The following MYRIP variants were observed in gnomAD, a reference collection of about 807,000 sequenced individuals.
MYRIP encodes the protein myosin VIIA and Rab interacting protein, also known as rab effector MyRIP.
A neutral mutation model predicts 98.0 loss-of-function variants in MYRIP; 49 were observed. That is an observed-to-expected ratio of 0.50 (90% CI 0.40 to 0.63). The LOEUF (loss-of-function observed/expected upper bound fraction) is 0.63. Ranked by LOEUF, MYRIP falls within the 30% of genes least tolerant of loss-of-function variation. MYRIP has a pLI of 0.00. For synonymous variants in MYRIP, 404 were observed against 409.5 expected (o/e 0.99, Z 0.16); for missense variants, 1,004 against 1,058.2 (o/e 0.95, Z 0.71).
intron 2 of MYRIP, among the ~76,000 whole-genome samples, chr3:39,968,235 A>G (rs371730493): frequency 3.6e-4 from 44 of 122,840 alleles, no homozygotes; most frequent in Non-Finnish European, 7.6e-4. Flanking sequence ...TTTTTTTTTG[A>G]GATATAGTGG....
At chr3:40,000,088 A>G (rs1559555480) in intron 2 of MYRIP, among the ~76,000 whole-genome samples, 1 of 151,768 alleles carries the variant, frequency 6.6e-6, no homozygotes, top group Admixed American at 6.6e-5. Flanking sequence ...ATGACGAGTT[A>G]ATGGGTGCAG....
intron 12 of MYRIP, among the ~76,000 whole-genome samples, chr3:40,244,179 T>C (rs1953111440): frequency 6.6e-6 from 1 of 152,222 alleles, no homozygotes; most frequent in South Asian, 2.1e-4. Flanking sequence ...GTCATGTATT[T>C]TGTACTATTT....
At chr3:40,135,172 G>A (rs920737637) in intron 3 of MYRIP, among the ~76,000 whole-genome samples, 1 of 152,154 alleles carries the variant, frequency 6.6e-6, no homozygotes, top group Non-Finnish European at 1.5e-5. Flanking sequence ...AATAACCAAT[G>A]CAGAGAAGTC....
intron 1 of MYRIP, among the ~76,000 whole-genome samples, chr3:39,837,026 G>T (rs188359956): frequency 6.6e-6 from 1 of 152,274 alleles, no homozygotes; most frequent in South Asian, 2.1e-4. Flanking sequence ...AGACCCAGTC[G>T]CTTTCAGCCT....
At chr3:39,831,508 C>G (rs949437817) in intron 1 of MYRIP, among the ~76,000 whole-genome samples, 1 of 152,060 alleles carries the variant, frequency 6.6e-6, no homozygotes, top group Non-Finnish European at 1.5e-5. Context: ...TGGCTTAAAA[C>G]TTTTTCTTAA....
chr3:40,180,874 A>G (rs1950867636), intron 8 of MYRIP, among the ~76,000 whole-genome samples: 1 of 152,128 alleles, frequency 6.6e-6, no homozygotes, highest in Non-Finnish European at 1.5e-5. Context: ...AGTGAACCAG[A>G]CGCCCTGTAT....
At chr3:40,133,719 A>C (rs2125920453) in intron 3 of MYRIP, among the ~76,000 whole-genome samples, 1 of 152,360 alleles carries the variant, frequency 6.6e-6, no homozygotes, top group African/African-American at 2.4e-5. Flanking sequence ...CCTGGGCAAC[A>C]GACTCTGTCT....
intron 4 of MYRIP, among the ~76,000 whole-genome samples, chr3:40,161,910 C>T (rs1180374543): frequency 6.6e-6 from 1 of 152,208 alleles, no homozygotes; most frequent in Non-Finnish European, 1.5e-5. Flanking sequence ...GATCCAAACA[C>T]TGATGTGGTC....
intron 2 of MYRIP, among the ~76,000 whole-genome samples, chr3:39,955,769 T>A (rs1945140542): frequency 6.6e-6 from 1 of 152,150 alleles, no homozygotes; most frequent in Non-Finnish European, 1.5e-5. Context: ...CAGTGTGCTA[T>A]ATTCAGGAAA....
intron 3 of MYRIP, among the ~76,000 whole-genome samples, chr3:40,118,100 C>G (rs1336882455): frequency 6.6e-6 from 1 of 152,144 alleles, no homozygotes; most frequent in Admixed American, 6.6e-5. Context: ...ACAAATGGCT[C>G]TTAAACAAAT....
At chr3:39,900,225 A>G (rs560092947) in intron 1 of MYRIP, among the ~76,000 whole-genome samples, 2 of 152,302 alleles carry the variant, frequency 1.3e-5, no homozygotes, top group South Asian at 4.1e-4. Context: ...AAATGGCAAA[A>G]TAAGATTATT....
chr3:39,873,546 T>C (rs1249563216), intron 1 of MYRIP, among the ~76,000 whole-genome samples: 1 of 152,246 alleles, frequency 6.6e-6, no homozygotes, highest in African/African-American at 2.4e-5. Flanking sequence ...CAGTTTCAGC[T>C]TTCTACATAT....
At chr3:39,812,248 G>A (rs963202602) in intron 1 of MYRIP, among the ~76,000 whole-genome samples, 1 of 152,008 alleles carries the variant, frequency 6.6e-6, no homozygotes, top group African/African-American at 2.4e-5. Context: ...GTTTTATCAG[G>A]TTAGTTTTAT....
intron 3 of MYRIP, among the ~76,000 whole-genome samples, chr3:40,100,906 T>A (rs1948932838): frequency 6.6e-6 from 1 of 152,216 alleles, no homozygotes. Context: ...GATCTTTTTC[T>A]TATTTATTTA....
intron 1 of MYRIP, among the ~76,000 whole-genome samples, chr3:39,840,043 A>T (rs1482338145): frequency 6.6e-6 from 1 of 152,144 alleles, no homozygotes; most frequent in Non-Finnish European, 1.5e-5. Context: ...TTTCTGTCTC[A>T]TTGATCTGTC....
intron 3 of MYRIP, among the ~76,000 whole-genome samples, chr3:40,053,123 C>T (rs747794150): frequency 6.6e-6 from 1 of 152,098 alleles, no homozygotes; most frequent in Non-Finnish European, 1.5e-5. Context: ...AGGACTTGCT[C>T]CCTTCTCTCT....
In MYRIP at chr3:40,013,776, C is replaced by T. The variant is rs538093674; in HGVS notation, c.111-30274C>T. Among the ~76,000 whole-genome samples the T allele has an allele frequency of 3.4e-4, 52 of 152,320 alleles. No individual in the cohort carries two copies. The South Asian group carries it at 1.0e-2, about 29-fold the overall frequency. On this transcript the variant is annotated intron_variant, in intron 2 of 16. Coordinates refer to ENST00000302541, the MANE Select transcript of MYRIP (RefSeq NM_015460.4). ...TCACTGTGCAACTAAATGGAATCAGCATCTGCAAAAGTTCTTTGTGCCTGT... is the reference window on the plus strand; with the variant it reads ...TCACTGTGCAACTAAATGGAATCAGTATCTGCAAAAGTTCTTTGTGCCTGT...
intron 9 of MYRIP, among the ~76,000 whole-genome samples, chr3:40,188,122 G>C (rs972501579): frequency 6.6e-6 from 1 of 152,198 alleles, no homozygotes; most frequent in Non-Finnish European, 1.5e-5. Flanking sequence ...TCAGGCAGTG[G>C]AAGTGGAACT....
At chr3:40,182,460 T>C in intron 9 of MYRIP, 87 bp downstream of exon 9, 2 of 1,450,582 alleles carry the variant, frequency 1.4e-6, no homozygotes, top group Non-Finnish European at 1.9e-6. Context: ...GCCACTCTGC[T>C]CTTCTTCCCA....
Sources: gnomAD v4.1 joint callset for allele counts (sites outside exome capture counted in the v4.1 genomes callset) on GRCh38, gnomAD v4.1.1 for gene constraint, MANE v1.5 for transcripts, NCBI Gene and HGNC (gene_info 2026-07-23, HGNC 2026-07-21) for gene names.